Variants in CELF4 observed in about 807,000 individuals in gnomAD.
CELF4 encodes the protein CUGBP Elav-like family member 4.
Under a neutral mutation model 59.9 loss-of-function variants are expected in CELF4, and 18 were observed. That is an observed-to-expected ratio of 0.30 (90% CI 0.21 to 0.45). The LOEUF (loss-of-function observed/expected upper bound fraction) is 0.45. Among genes scored for constraint, CELF4 ranks in the 20% least tolerant of loss-of-function variants. CELF4 has a pLI of 1.00. For missense variants in CELF4, 456 were observed against 689.0 expected, an observed-to-expected ratio of 0.66 and a Z score of 3.79; for synonymous variants, 261 against 267.1, an observed-to-expected ratio of 0.98 and a Z score of 0.22.
chr18:37,544,422 C>T (rs181879343), intron 1 of CELF4, among the ~76,000 whole-genome samples: 4 of 152,180 alleles, frequency 2.6e-5, no homozygotes, highest in Non-Finnish European at 5.9e-5. Context: ...GCTTTCAAAG[C>T]CTCCACTCCC....
chr18:37,367,141 T>TA (rs375959919), intron 2 of CELF4, among the ~76,000 whole-genome samples: 77 of 152,186 alleles, frequency 5.1e-4, no homozygotes, highest in African/African-American at 1.6e-3. Context: ...GTTAATGTGC[T>TA]AAGGTGTTTG....
At chr18:37,256,128 C>G (rs995306316) in intron 11 of CELF4, among the ~76,000 whole-genome samples, 58 of 152,308 alleles carry the variant, frequency 3.8e-4, no homozygotes, top group African/African-American at 1.3e-3. Context: ...GTTCCAGGAC[C>G]GTCTTCCTTC....
chr18:37,326,828 C>T (rs1037760940), intron 2 of CELF4, among the ~76,000 whole-genome samples: 1 of 152,166 alleles, frequency 6.6e-6, no homozygotes, highest in Non-Finnish European at 1.5e-5. Context: ...CCTCCCTTCC[C>T]CCTCCCCATC....
At position 37,307,486 on chromosome 18, in the gene CELF4, G is replaced by A. The variant is rs78097004; in HGVS notation, c.448+14317C>T. Reference sequence around the variant, plus strand: ...TCTATAAATCTTCCCCCCGTCCCCCGCTCCCCCACCACCACAGCGGCCCTG... The same window carrying A: ...TCTATAAATCTTCCCCCCGTCCCCCACTCCCCCACCACCACAGCGGCCCTG... On this transcript the variant is annotated intron_variant, in intron 3 of 12. Transcript: ENST00000420428. Among the ~76,000 whole-genome samples, 1,394 of 151,726 alleles carry A rather than the reference G, an allele frequency of 9.2e-3. 26 individuals carry two copies. Among genetic ancestry groups the A allele is most frequent in the East Asian group, 0.075 (386 of 5,142 alleles).
chr18:37,353,018 G>A (rs774243973), intron 2 of CELF4, among the ~76,000 whole-genome samples: 17 of 152,146 alleles, frequency 1.1e-4, no homozygotes, highest in African/African-American at 3.1e-4. Context: ...TCAGGAGATC[G>A]AGACCATCCT....
intron 2 of CELF4, among the ~76,000 whole-genome samples, chr18:37,382,296 G>T (rs1010480501): frequency 1.6e-4 from 24 of 152,174 alleles, no homozygotes; most frequent in African/African-American, 5.8e-4. Flanking sequence ...TGTGCAGTTT[G>T]GCTCTTGAGC....
rs367684465 is a variant in CELF4 at position 37,409,532 on chromosome 18, C to A, written c.369+75993G>T. On this transcript the variant is annotated intron_variant, in intron 2 of 12. Transcript: ENST00000420428. ...TCCCTTGTGTATCTGGTTTACTCTACGCTATTCTGAAAAGTGGGTAGGCAG... is the reference window on the plus strand; with the variant it reads ...TCCCTTGTGTATCTGGTTTACTCTAAGCTATTCTGAAAAGTGGGTAGGCAG... 7.9e-5 allele frequency among the ~76,000 whole-genome samples: 12 copies of A among 152,164 alleles called. No homozygotes were observed. In the South Asian group the frequency reaches 2.5e-3, roughly 32 times the overall value.
At chr18:37,303,206 G>A (rs1603405128) in intron 3 of CELF4, among the ~76,000 whole-genome samples, 3 of 152,150 alleles carry the variant, frequency 2.0e-5, no homozygotes, top group African/African-American at 7.2e-5. Flanking sequence ...CCCCTGGGAG[G>A]CCCAGAGCCC....
At chr18:37,552,702 T>G (rs187074555) in intron 1 of CELF4, among the ~76,000 whole-genome samples, 1 of 152,202 alleles carries the variant, frequency 6.6e-6, no homozygotes, top group African/African-American at 2.4e-5. Flanking sequence ...AAGGGGCAGA[T>G]GGGGGTCTTG....
Position 37,483,954 on chromosome 18 carries a change from G to C in CELF4, c.369+1571C>G, listed in dbSNP as rs148035889. 6.8e-3 allele frequency among the ~76,000 whole-genome samples: 1,031 copies of C among 152,238 alleles called. 6 individuals carry two copies. Among genetic ancestry groups the C allele is most frequent in the Middle Eastern group, 0.017 (5 of 294 alleles). The stretch of plus-strand genomic sequence containing the variant: ...AATAAACAACCACAAGTTAATGTTA[G>C]ATCCTCAACAATCCACACTTGCTAC... On this transcript the variant is annotated intron_variant, in intron 2 of 12. Coordinates refer to ENST00000420428, the MANE Select transcript of CELF4 (RefSeq NM_020180.4).
intron 2 of CELF4, among the ~76,000 whole-genome samples, chr18:37,379,284 C>T (rs920301027): frequency 7.2e-5 from 11 of 152,006 alleles, no homozygotes; most frequent in African/African-American, 9.7e-5. Flanking sequence ...TTGGCCCTGG[C>T]GTGGGTATGC....
chr18:37,458,218 C>T (rs1004455127), intron 2 of CELF4, among the ~76,000 whole-genome samples: 1 of 152,142 alleles, frequency 6.6e-6, no homozygotes, highest in African/African-American at 2.4e-5. Flanking sequence ...GCTCTTTTTC[C>T]CATTAGGGCT....
chr18:37,271,787 G>A (rs760164835), intron 7 of CELF4, among the ~76,000 whole-genome samples: 6 of 152,220 alleles, frequency 3.9e-5, no homozygotes, highest in Non-Finnish European at 1.5e-5. Flanking sequence ...TCCACTTGAA[G>A]CAATAGTAGT....
chr18:37,353,023 C>T (rs1237924413), intron 2 of CELF4, among the ~76,000 whole-genome samples: 9 of 152,104 alleles, frequency 5.9e-5, no homozygotes, highest in South Asian at 4.1e-4. Flanking sequence ...AGATCGAGAC[C>T]ATCCTGGCTA....
chr18:37,316,918 G>T (rs1251856923), intron 3 of CELF4, among the ~76,000 whole-genome samples: 2 of 152,188 alleles, frequency 1.3e-5, no homozygotes, highest in Admixed American at 1.3e-4. Context: ...CCTCCTGGGA[G>T]TGAGAGGAAT....
At chr18:37,540,552 C>T (rs1395978673) in intron 1 of CELF4, among the ~76,000 whole-genome samples, 3 of 152,054 alleles carry the variant, frequency 2.0e-5, no homozygotes, top group Non-Finnish European at 2.9e-5. Context: ...GGACACAGAT[C>T]GTGGGGCAAG....
chr18:37,502,079 C>G (rs907170343), intron 1 of CELF4, among the ~76,000 whole-genome samples: 15 of 152,136 alleles, frequency 9.9e-5, no homozygotes, highest in Non-Finnish European at 1.9e-4. Flanking sequence ...CCGTGAACCT[C>G]GAGCCACTGA....
At chr18:37,279,428 A>G (rs1277911217) in intron 3 of CELF4, among the ~76,000 whole-genome samples, 2 of 152,136 alleles carry the variant, frequency 1.3e-5, no homozygotes, top group African/African-American at 4.8e-5. Flanking sequence ...CAGCCCTGGG[A>G]GTTGGAAAGT....
At chr18:37,479,504 C>T (rs1027880776) in intron 2 of CELF4, among the ~76,000 whole-genome samples, 1 of 152,166 alleles carries the variant, frequency 6.6e-6, no homozygotes, top group Non-Finnish European at 1.5e-5. Context: ...AAATGTCCCC[C>T]GCAGGGCAAA....
Sources: allele counts gnomAD v4.1 joint callset (sites outside exome capture counted in the v4.1 genomes callset), GRCh38; gene constraint gnomAD v4.1.1; transcripts MANE v1.5; gene names NCBI Gene and HGNC (gene_info 2026-07-23, HGNC 2026-07-21).